PTPRT: variants seen among roughly 807,000 people sequenced by gnomAD.
PTPRT encodes the protein protein tyrosine phosphatase receptor type T.
In PTPRT, 56 loss-of-function variants were observed where a neutral mutation model predicts 176.8. The ratio of observed to expected loss-of-function variants is 0.32; its 90% CI spans 0.26 to 0.40. PTPRT has a LOEUF of 0.40. Ranked by LOEUF, PTPRT falls within the 10% of genes least tolerant of loss-of-function variation. The pLI, the probability that PTPRT is intolerant of heterozygous loss-of-function variation, is 1.00. For synonymous variants in PTPRT, 783 were observed against 739.0 expected, an observed-to-expected ratio of 1.06 and a Z score of -0.96; for missense variants, 1,540 against 1,908.2, an observed-to-expected ratio of 0.81 and a Z score of 3.60.
At chr20:42,206,013 G>C (rs1206302040) in intron 15 of PTPRT, among the ~76,000 whole-genome samples, 5 of 152,110 alleles carry the variant, frequency 3.3e-5, no homozygotes, top group African/African-American at 1.2e-4. Context: ...CCTTAGCTAA[G>C]ATGCACAGCA....
At chr20:42,085,685 TG>T in intron 28 of PTPRT, 42 bp downstream of exon 28, 2 of 1,610,876 alleles carry the variant, frequency 1.2e-6, no homozygotes. Flanking sequence ...CCATCTGTCT[TG>T]GGGAGGAGGG....
At chr20:42,945,365 T>A (rs1266275048) in intron 1 of PTPRT, among the ~76,000 whole-genome samples, 1 of 152,166 alleles carries the variant, frequency 6.6e-6, no homozygotes, top group Non-Finnish European at 1.5e-5. Context: ...GGATAGTTTA[T>A]CTCTGTTCTG....
chr20:42,297,870 A>C (rs2057410647), intron 12 of PTPRT, among the ~76,000 whole-genome samples: 1 of 152,226 alleles, frequency 6.6e-6, no homozygotes, highest in South Asian at 2.1e-4. Flanking sequence ...ACAAAAACAA[A>C]GACCAAACAT....
intron 9 of PTPRT, among the ~76,000 whole-genome samples, chr20:42,386,764 G>A (rs6016772): frequency 4.5e-4 from 69 of 152,298 alleles, no homozygotes; most frequent in African/African-American, 1.6e-3. Flanking sequence ...GGGAGGCTGA[G>A]GCAAAGAATT....
intron 6 of PTPRT, among the ~76,000 whole-genome samples, chr20:42,693,376 A>G (rs1291321054): frequency 1.3e-5 from 2 of 152,226 alleles, no homozygotes; most frequent in African/African-American, 4.8e-5. Context: ...TTATATAAAA[A>G]TGCAAAAGGC....
rs1335287256 is a variant in PTPRT at position 42,625,211 on chromosome 20, C to T, written c.1153+52655G>A. On this transcript the variant is annotated intron_variant, in intron 7 of 30. Transcript: ENST00000373187. ...GTCCTCACTGTGAGGTCCAGCTTAA[C>T]CTCTACTAGCTCCAGGGTCCTGGAG... is the stretch of plus-strand genomic sequence containing the variant. 2.6e-5 allele frequency among the ~76,000 whole-genome samples: 4 copies of T among 152,108 alleles called. No homozygotes were observed. In the East Asian group the frequency reaches 5.8e-4, roughly 22 times the overall value.
chr20:43,051,577 C>T (rs1987041495), intron 1 of PTPRT, among the ~76,000 whole-genome samples: 1 of 140,898 alleles, frequency 7.1e-6, no homozygotes, highest in South Asian at 2.2e-4. Flanking sequence ...CAGGAAGCTG[C>T]CCCAGATTTT....
At chr20:42,218,749 G>A (rs2055822839) in intron 15 of PTPRT, among the ~76,000 whole-genome samples, 1 of 152,236 alleles carries the variant, frequency 6.6e-6, no homozygotes, top group African/African-American at 2.4e-5. Context: ...ACAGGGTACT[G>A]AGCGGTGCAC....
At chr20:42,639,295 T>C (rs569071105) in intron 7 of PTPRT, among the ~76,000 whole-genome samples, 5 of 152,278 alleles carry the variant, frequency 3.3e-5, no homozygotes, top group African/African-American at 1.2e-4. Context: ...ATTGTAACTT[T>C]GGGCCTCTGT....
rs1004132523 is a variant in PTPRT at position 43,171,456 on chromosome 20, A to G, written c.88+18190T>C. Among the ~76,000 whole-genome samples, 66 of 152,316 alleles carry G rather than the reference A, an allele frequency of 4.3e-4. 1 individual carries two copies. Among genetic ancestry groups the G allele is most frequent in the Middle Eastern group, 3.4e-3 (1 of 294 alleles). On this transcript the variant is annotated intron_variant, in intron 1 of 30. Transcript: ENST00000373187. ...CAGAATAAAATAGAAAAGAGTCTAAAATAAAACACAAAGATAAACAAGAAG... is the reference window on the plus strand; with the variant it reads ...CAGAATAAAATAGAAAAGAGTCTAAGATAAAACACAAAGATAAACAAGAAG...
chr20:43,162,431 C>T (rs1220380917), intron 1 of PTPRT, among the ~76,000 whole-genome samples: 1 of 152,210 alleles, frequency 6.6e-6, no homozygotes, highest in Non-Finnish European at 1.5e-5. Context: ...AATCTTTTCT[C>T]AGTGGAACCA....
intron 2 of PTPRT, among the ~76,000 whole-genome samples, chr20:42,830,318 A>T (rs1447339617): frequency 1.3e-5 from 2 of 152,252 alleles, no homozygotes; most frequent in Admixed American, 1.3e-4. Context: ...AACGTGATTC[A>T]TCACACAAAC....
chr20:42,557,866 C>A (rs544215533), intron 7 of PTPRT, among the ~76,000 whole-genome samples: 26 of 152,326 alleles, frequency 1.7e-4, no homozygotes, highest in African/African-American at 5.5e-4. Context: ...ATTCCCCTGA[C>A]CCAGGAGACC....
chr20:42,933,297 A>G (rs868201791), intron 1 of PTPRT, among the ~76,000 whole-genome samples: 1 of 152,190 alleles, frequency 6.6e-6, no homozygotes, highest in African/African-American at 2.4e-5. Context: ...CTGCTCAGAA[A>G]GGCCTTTATT....
At position 42,538,430 on chromosome 20, in the gene PTPRT, A is replaced by C. The variant is rs552023825; in HGVS notation, c.1154-65868T>G. Among the ~76,000 whole-genome samples, 6 of 152,324 alleles carry C rather than the reference A, an allele frequency of 3.9e-5. No individual in the cohort carries two copies. The East Asian group carries it at 5.8e-4, about 15-fold the overall frequency. ...GCTAAATCTCATGTCCCCTGTTGGAAGAAATTAATAGGTCCTAGAAAGAGG... is the reference window on the plus strand; with the variant it reads ...GCTAAATCTCATGTCCCCTGTTGGACGAAATTAATAGGTCCTAGAAAGAGG... On this transcript the variant is annotated intron_variant, in intron 7 of 30. Transcript: ENST00000373187.
intron 16 of PTPRT, among the ~76,000 whole-genome samples, chr20:42,193,064 CA>C (rs1991061713): frequency 1.3e-5 from 2 of 152,218 alleles, no homozygotes; most frequent in Admixed American, 1.3e-4. Context: ...AAAGGAAAGA[CA>C]AAGTTGCTTG....
intron 13 of PTPRT, among the ~76,000 whole-genome samples, chr20:42,272,349 A>G (rs528417480): frequency 2.0e-5 from 3 of 152,166 alleles, no homozygotes; most frequent in African/African-American, 7.2e-5. Context: ...AATATTTACT[A>G]TCTGTCCTTT....
intron 7 of PTPRT, among the ~76,000 whole-genome samples, chr20:42,677,097 GGA>G (rs2075517954): frequency 6.6e-6 from 1 of 152,106 alleles, no homozygotes; most frequent in African/African-American, 2.4e-5. Flanking sequence ...AGCCTCCAGG[GGA>G]TACAGAGGCA....
intron 2 of PTPRT, among the ~76,000 whole-genome samples, chr20:42,822,350 T>C (rs569706070): frequency 1.3e-5 from 2 of 152,134 alleles, no homozygotes; most frequent in Admixed American, 1.3e-4. Flanking sequence ...CCTAGCCAAA[T>C]GCAAAAACAG....
Sources: allele counts gnomAD v4.1 joint callset (sites outside exome capture counted in the v4.1 genomes callset), GRCh38; gene constraint gnomAD v4.1.1; transcripts MANE v1.5; gene names NCBI Gene and HGNC (gene_info 2026-07-23, HGNC 2026-07-21).